Variants in STK4 observed in about 807,000 individuals in gnomAD.
STK4 encodes the protein serine/threonine kinase 4.
In STK4, 30 loss-of-function variants were observed where a neutral mutation model predicts 64.9. The ratio of observed to expected loss-of-function variants is 0.46; its 90% CI spans 0.35 to 0.63. The LOEUF (loss-of-function observed/expected upper bound fraction) is 0.63. STK4 is among the 20% of genes least tolerant of loss of function. STK4 has a pLI of 0.01. For synonymous variants in STK4, 177 were observed against 199.0 expected, an observed-to-expected ratio of 0.89 and a Z score of 0.93; for missense variants, 466 against 598.5, an observed-to-expected ratio of 0.78 and a Z score of 2.31.
chr20:44,979,079 C>T (rs1444235955), intron 3 of STK4, among the ~76,000 whole-genome samples: 1 of 152,132 alleles, frequency 6.6e-6, no homozygotes, highest in East Asian at 1.9e-4. Context: ...ACTGGGATTA[C>T]AGGAGTGAGC....
intron 9 of STK4, among the ~76,000 whole-genome samples, chr20:45,014,827 T>C (rs1342846537): frequency 6.6e-6 from 1 of 152,172 alleles, no homozygotes; most frequent in East Asian, 1.9e-4. Context: ...CCAGGCTTAA[T>C]AGGTCAATGG....
At chr20:45,007,985 A>G (rs977954951) in intron 9 of STK4, among the ~76,000 whole-genome samples, 17 of 152,026 alleles carry the variant, frequency 1.1e-4, no homozygotes, top group African/African-American at 4.1e-4. Context: ...CACATGCGGT[A>G]TTTGGTTTTC....
chr20:44,984,582 G>A (rs186534463), intron 4 of STK4, among the ~76,000 whole-genome samples: 65 of 152,040 alleles, frequency 4.3e-4, no homozygotes, highest in Middle Eastern at 6.8e-3. Flanking sequence ...TCCACTAGCC[G>A]CATGTGGTTA....
intron 5 of STK4, among the ~76,000 whole-genome samples, chr20:44,993,034 T>G (rs1395190819): frequency 6.6e-6 from 1 of 152,154 alleles, no homozygotes; most frequent in Non-Finnish European, 1.5e-5. Context: ...TGGGCTTTGT[T>G]TTTTATGTTT....
At chr20:44,995,532 A>G (rs551638064) in intron 6 of STK4, among the ~76,000 whole-genome samples, 5 of 145,878 alleles carry the variant, frequency 3.4e-5, no homozygotes, top group South Asian at 4.4e-4. Flanking sequence ...CTTGAACCCC[A>G]GAGGCAGAGG....
chr20:45,060,691 T>C (rs1235516176), intron 10 of STK4, among the ~76,000 whole-genome samples: 2 of 152,222 alleles, frequency 1.3e-5, no homozygotes, highest in East Asian at 3.9e-4. Flanking sequence ...TGGACTGTTG[T>C]GAGGATTACT....
At chr20:45,065,808 T>A (rs75320502) in intron 10 of STK4, among the ~76,000 whole-genome samples, 198 of 152,146 alleles carry the variant, frequency 1.3e-3, no homozygotes, top group East Asian at 6.9e-3. Flanking sequence ...TTATTTATTT[T>A]TTTTCAGAAA....
chr20:44,980,086 A>T (rs928225355), intron 3 of STK4, among the ~76,000 whole-genome samples: 1 of 152,158 alleles, frequency 6.6e-6, no homozygotes, highest in Non-Finnish European at 1.5e-5. Flanking sequence ...TTATAGACTA[A>T]TTGGACAGGC....
chr20:45,052,185 G>T (rs1030333611), intron 10 of STK4, among the ~76,000 whole-genome samples: 13 of 152,080 alleles, frequency 8.5e-5, no homozygotes, highest in Middle Eastern at 3.4e-3. Flanking sequence ...ATGCTATTTT[G>T]TTAACCTTCT....
intron 4 of STK4, among the ~76,000 whole-genome samples, chr20:44,984,280 C>T (rs1358785690): frequency 1.4e-5 from 2 of 141,470 alleles, no homozygotes; most frequent in South Asian, 2.3e-4. Flanking sequence ...GTGCAAGCTC[C>T]GCCTCCCAGG....
intron 1 of STK4, chr20:44,967,051 G>C (rs1344830685): frequency 1.4e-6 from 1 of 717,620 alleles, no homozygotes; most frequent in African/African-American, 1.9e-5. Flanking sequence ...TGAGGGGTGC[G>C]GTGGGGGGAT....
At chr20:45,026,315 A>G (rs2068345965) in intron 10 of STK4, among the ~76,000 whole-genome samples, 1 of 102,790 alleles carries the variant, frequency 9.7e-6, no homozygotes, top group African/African-American at 4.3e-5. Context: ...AGGAGACAGA[A>G]AGAGTGTGTG....
chr20:45,025,277 C>A, intron 10 of STK4, 147 bp downstream of exon 10: 1 of 924,508 alleles, frequency 1.1e-6, no homozygotes, highest in Non-Finnish European at 1.5e-6. Context: ...AGTATTTTGA[C>A]TGATGTTTGG....
intron 9 of STK4, among the ~76,000 whole-genome samples, chr20:45,022,939 C>G (rs56250131): frequency 9.2e-5 from 14 of 152,248 alleles, no homozygotes; most frequent in Non-Finnish European, 2.1e-4. Flanking sequence ...GAGGTTGGTG[C>G]GTGATATATG....
intron 9 of STK4, among the ~76,000 whole-genome samples, chr20:45,021,591 T>C (rs1377063147): frequency 6.6e-6 from 1 of 152,220 alleles, no homozygotes; most frequent in Non-Finnish European, 1.5e-5. Context: ...TTTTTCACTT[T>C]AGTTCCATAA....
chr20:44,997,816 G>C (rs1399368515), intron 7 of STK4, among the ~76,000 whole-genome samples: 1 of 152,216 alleles, frequency 6.6e-6, no homozygotes, highest in Non-Finnish European at 1.5e-5. Flanking sequence ...ATACAGGGCA[G>C]TATGGGATTA....
At chr20:45,023,630 G>A (rs2068288478) in intron 9 of STK4, among the ~76,000 whole-genome samples, 1 of 152,114 alleles carries the variant, frequency 6.6e-6, no homozygotes, top group Admixed American at 6.5e-5. Context: ...TTTGAAACAG[G>A]TACATTCAGC....
At chr20:45,011,729 A>ATATATATATATATATATATATATT (rs60170856) in intron 9 of STK4, among the ~76,000 whole-genome samples, 1 of 115,400 alleles carries the variant, frequency 8.7e-6, no homozygotes, top group African/African-American at 3.6e-5. Flanking sequence ...ATATATATAT[A>ATATATATATATATATATATATATT]TTTTTTTTTT....
At chr20:44,977,346 A>G (rs962930128) in intron 2 of STK4, among the ~76,000 whole-genome samples, 2 of 152,150 alleles carry the variant, frequency 1.3e-5, no homozygotes, top group African/African-American at 2.4e-5. Context: ...CAGTTAGAGT[A>G]TTGTACTTTG....
Sources: gnomAD v4.1 joint callset for allele counts (sites outside exome capture counted in the v4.1 genomes callset) on GRCh38, gnomAD v4.1.1 for gene constraint, MANE v1.5 for transcripts, NCBI Gene and HGNC (gene_info 2026-07-23, HGNC 2026-07-21) for gene names.